Variants in LMO7 observed in about 807,000 individuals in gnomAD.
LMO7 encodes LIM domain 7, also known as LIM domain only protein 7.
In LMO7, 120 loss-of-function variants were observed where a neutral mutation model predicts 206.5. The observed-to-expected ratio is 0.58, with a 90% CI of 0.50 to 0.68. The LOEUF (loss-of-function observed/expected upper bound fraction) is 0.68. Among genes scored for constraint, LMO7 ranks in the 30% least tolerant of loss-of-function variants. The pLI is 0.00. For synonymous variants in LMO7, 706 were observed against 681.5 expected (o/e 1.04, Z -0.56); for missense variants, 1,959 against 1,957.9 (o/e 1.00, Z -0.01).
At chr13:75,786,253 A>G (rs1049598207) in intron 4 of LMO7, among the ~76,000 whole-genome samples, 2 of 151,114 alleles carry the variant, frequency 1.3e-5, no homozygotes, top group African/African-American at 2.4e-5. Context: ...TGCAGTGGCC[A>G]CTCCTGCCAC....
intron 4 of LMO7, among the ~76,000 whole-genome samples, chr13:75,778,956 G>T (rs1259860696): frequency 1.3e-5 from 2 of 152,138 alleles, no homozygotes; most frequent in Admixed American, 1.3e-4. Flanking sequence ...GGCAAGACTG[G>T]AGGCTGGCAG....
intron 4 of LMO7, among the ~76,000 whole-genome samples, chr13:75,784,923 A>C (rs781008522): frequency 6.6e-5 from 10 of 152,188 alleles, no homozygotes; most frequent in Non-Finnish European, 1.2e-4. Context: ...CAGGAAATGA[A>C]TACTGTTGAT....
At chr13:75,697,100 T>C (rs2041961591) in intron 1 of LMO7, among the ~76,000 whole-genome samples, 1 of 152,104 alleles carries the variant, frequency 6.6e-6, no homozygotes, top group Non-Finnish European at 1.5e-5. Flanking sequence ...GAGCCATGAA[T>C]GCCAATACAC....
chr13:75,801,903 C>A (rs2054785898), intron 7 of LMO7, among the ~76,000 whole-genome samples: 1 of 152,150 alleles, frequency 6.6e-6, no homozygotes, highest in South Asian at 2.1e-4. Flanking sequence ...TATTCGCTGC[C>A]TAATTCCACC....
intron 13 of LMO7, among the ~76,000 whole-genome samples, chr13:75,820,187 A>G (rs2057433473): frequency 6.6e-6 from 1 of 152,194 alleles, no homozygotes; most frequent in Non-Finnish European, 1.5e-5. Flanking sequence ...TTCTGCCCTA[A>G]AAGCCAAAGA....
chr13:75,705,419 G>A (rs1261837714), intron 1 of LMO7, among the ~76,000 whole-genome samples: 1 of 152,148 alleles, frequency 6.6e-6, no homozygotes, highest in Non-Finnish European at 1.5e-5. Context: ...GATTATTTTA[G>A]GTGGGGATGA....
chr13:75,711,584 G>T (rs537920239), intron 1 of LMO7, among the ~76,000 whole-genome samples: 38 of 152,256 alleles, frequency 2.5e-4, no homozygotes, highest in African/African-American at 9.1e-4. Flanking sequence ...ACGATGCCTC[G>T]CCCTGCTTCG....
chr13:75,786,618 C>G (rs1027478012), intron 4 of LMO7, among the ~76,000 whole-genome samples: 2 of 152,046 alleles, frequency 1.3e-5, no homozygotes, highest in Non-Finnish European at 2.9e-5. Context: ...ATCTCCTGAC[C>G]TCATGATCTG....
chr13:75,637,022 G>A (rs1478428121), intron 1 of LMO7, among the ~76,000 whole-genome samples: 2 of 152,198 alleles, frequency 1.3e-5, no homozygotes, highest in Non-Finnish European at 2.9e-5. Flanking sequence ...GAGGAGCAGC[G>A]CAGTCCGCCC....
chr13:75,817,179 T>A lies in LMO7; in HGVS notation c.1965T>A (p.Asp655Glu). Residue 655 changes from aspartate to glutamate, a missense_variant, in exon 12 of 31, where the codon GAT becomes GAA. Transcript: ENST00000377534. ...YGENGSKSMS[D>E]VSAEDVQNLR... ...GTTGTAGGAGTAAGTCCATGAGTGA[T>A]GTCAGCGCAGAAGATGTTCAAAACT... is the stretch of plus-strand genomic sequence containing the variant. 6.2e-7 allele frequency: 1 copy of A among 1,613,288 alleles called. No individual in the cohort carries two copies. The highest frequency in any genetic ancestry group is 1.7e-5 in the Admixed American group (1 of 60,014).
At chr13:75,835,150 A>G (rs746260298) in intron 17 of LMO7, 83 bp from the exon 18 acceptor site, 216 of 1,568,962 alleles carry the variant, frequency 1.4e-4, no homozygotes, top group Non-Finnish European at 1.8e-4. Context: ...TGTGCCAATC[A>G]GACTGGGGCA....
intron 1 of LMO7, among the ~76,000 whole-genome samples, chr13:75,643,844 C>T (rs2036781917): frequency 6.6e-6 from 1 of 152,114 alleles, no homozygotes. Context: ...ATGAAATACC[C>T]CAGTAGTATG....
intron 1 of LMO7, among the ~76,000 whole-genome samples, 194 bp from the exon 2 acceptor site, chr13:75,712,988 T>C (rs1162965356): frequency 1.3e-5 from 2 of 152,228 alleles, no homozygotes; most frequent in East Asian, 3.8e-4. Flanking sequence ...CATACTAAAA[T>C]GGCTAAACTA....
intron 2 of LMO7, among the ~76,000 whole-genome samples, chr13:75,721,857 G>C (rs1050921304): frequency 2.6e-5 from 4 of 152,090 alleles, no homozygotes; most frequent in Non-Finnish European, 5.9e-5. Flanking sequence ...TTTAAAATAG[G>C]CACATAGACC....
intron 2 of LMO7, among the ~76,000 whole-genome samples, chr13:75,717,012 C>A (rs2043593466): frequency 6.6e-6 from 1 of 151,692 alleles, no homozygotes; most frequent in African/African-American, 2.4e-5. Context: ...CAAGTCTCTG[C>A]CACAGTCAGC....
chr13:75,803,201 C>G (rs549070730), intron 7 of LMO7, among the ~76,000 whole-genome samples: 1 of 152,190 alleles, frequency 6.6e-6, no homozygotes. Context: ...TCCTTTTACT[C>G]TGTCCCTGTC....
At chr13:75,819,006 TG>T in intron 12 of LMO7, among the ~76,000 whole-genome samples, 2 of 152,358 alleles carry the variant, frequency 1.3e-5, no homozygotes, top group Admixed American at 1.3e-4. Context: ...ATCGTGTTTC[TG>T]TTTTGGCCTT....
intron 4 of LMO7, among the ~76,000 whole-genome samples, chr13:75,769,865 T>C (rs1194115653): frequency 2.6e-5 from 4 of 152,136 alleles, no homozygotes; most frequent in African/African-American, 9.7e-5. Flanking sequence ...TGAAATGCTT[T>C]TTTCTGTATT....
At chr13:75,824,872 A>G (rs1214995714) in intron 15 of LMO7, among the ~76,000 whole-genome samples, 2 of 152,158 alleles carry the variant, frequency 1.3e-5, no homozygotes, top group Admixed American at 6.6e-5. Context: ...TTATATTAAT[A>G]AAATATGTGA....
Sources: allele counts gnomAD v4.1 joint callset (sites outside exome capture counted in the v4.1 genomes callset), GRCh38; gene constraint gnomAD v4.1.1; transcripts MANE v1.5; gene names NCBI Gene and HGNC (gene_info 2026-07-23, HGNC 2026-07-21).